SNAI2: variants seen among roughly 807,000 people sequenced by gnomAD.
SNAI2 encodes snail family transcriptional repressor 2.
Under a neutral mutation model 22.4 loss-of-function variants are expected in SNAI2, and 2 were observed. The observed-to-expected ratio is 0.09, with a 90% CI of 0.04 to 0.28. SNAI2 has a LOEUF of 0.28. SNAI2 is among the 10% of genes least tolerant of loss of function. The pLI, the probability that SNAI2 is intolerant of heterozygous loss-of-function variation, is 1.00. For missense variants in SNAI2, 239 were observed against 320.8 expected, an observed-to-expected ratio of 0.75 and a Z score of 1.95; for synonymous variants, 134 against 123.0, an observed-to-expected ratio of 1.09 and a Z score of -0.59.
chr8:48,921,395 G>A lies in SNAI2; in HGVS notation c.-130C>T. The A allele has an allele frequency of 1.3e-6, 1 of 750,674 alleles. No individual in the cohort carries two copies. The highest frequency in any genetic ancestry group is 2.3e-6 in the Non-Finnish European group (1 of 425,638). The allele number at this position is 750,674 out of a possible 1,614,324, so 46.5% of individuals were successfully genotyped here. On this transcript the variant is annotated 5_prime_UTR_variant, in exon 1 of 3. Transcript: ENST00000020945. ...CTCAGGTGCGGCAGACGGACGGGCCGGCGCCTCTGAAGTCACCCGGCTCCT... is the reference window on the plus strand; with the variant it reads ...CTCAGGTGCGGCAGACGGACGGGCCAGCGCCTCTGAAGTCACCCGGCTCCT...
chr8:48,920,426 T>C lies in SNAI2; in HGVS notation c.95A>G (p.Tyr32Cys). 1.2e-6 allele frequency: 2 copies of C among 1,613,940 alleles called. No homozygotes were observed. Among genetic ancestry groups the C allele is most frequent in the Non-Finnish European group, 1.7e-6 (2 of 1,179,924 alleles). ...AGGCATGGAGTAACTCTCATAGAGA[T>C]ACGGGGAAATAATCACTGGGAAAGA... ...LDTHTVIISPYLYESYSMPVI... is the reference protein window; with the variant it reads ...LDTHTVIISPCLYESYSMPVI... Residue 32 changes from tyrosine to cysteine, a missense_variant, in exon 2 of 3, where the codon TAT (tyrosine) becomes TGT (cysteine). This residue lies in a region of SNAI2 where 183 missense variants were observed against 190.4 expected (regional missense o/e 0.96). Transcript: ENST00000020945.
Position 48,921,365 on chromosome 8 carries a change from C to T in SNAI2, c.-100G>A. On this transcript the variant is annotated 5_prime_UTR_variant, in exon 1 of 3. Coordinates refer to ENST00000020945, the MANE Select transcript of SNAI2 (RefSeq NM_003068.5). Reference sequence around the variant, plus strand: ...GCGGCGGGCCAGGCTCGGGCAGGGGCCGTGCTCAGGTGCGGCAGACGGACG... The same window carrying T: ...GCGGCGGGCCAGGCTCGGGCAGGGGTCGTGCTCAGGTGCGGCAGACGGACG... 8 of 935,714 alleles carry T rather than the reference C, an allele frequency of 8.5e-6. No individual in the cohort carries two copies. The highest frequency in any genetic ancestry group is 1.4e-5 in the Non-Finnish European group (8 of 576,902). The allele number at this position is 935,714 out of a possible 1,614,324, so 58.0% of individuals were successfully genotyped here.
rs1043080645 is a variant in SNAI2 at position 48,920,875 on chromosome 8, A to G, written c.79+312T>C. On this transcript the variant is annotated intron_variant, in intron 1 of 2. Transcript: ENST00000020945. ...TTCTAAAGGAAAGGAGACTTAGTGC[A>G]TGAAAAACGCAGTAATTCAATCCTT... Among the ~76,000 whole-genome samples the G allele has an allele frequency of 2.6e-4, 39 of 152,372 alleles. No homozygotes were observed. In the Middle Eastern group the frequency reaches 0.01, roughly 40 times the overall value.
Position 48,917,893 on chromosome 8 carries a change from G to C in SNAI2, c.*914C>G, listed in dbSNP as rs1052883909. On this transcript the variant is annotated 3_prime_UTR_variant, in exon 3 of 3. Coordinates refer to ENST00000020945, the MANE Select transcript of SNAI2 (RefSeq NM_003068.5). Reference sequence around the variant, plus strand: ...ATAGACAACATCTCAGTTTCATACAGAACTCATTCAATCATATAAAAATAA... The same window carrying C: ...ATAGACAACATCTCAGTTTCATACACAACTCATTCAATCATATAAAAATAA... 1 of 152,096 alleles carries C rather than the reference G, an allele frequency of 6.6e-6. No individual in the cohort carries two copies. The highest frequency in any genetic ancestry group is 1.5e-5 in the Non-Finnish European group (1 of 68,016). The allele number at this position is 152,096 out of a possible 1,614,324, so 9.4% of individuals were successfully genotyped here. A position where few individuals can be genotyped will look rare whatever the true frequency, so the allele number is the denominator to read the frequency against.
In SNAI2 at chr8:48,920,564, A is replaced by G. The variant is rs1344411742; in HGVS notation, c.80-123T>C. ...CACACGTGATTTTCTTAGGAAGAAGATAGACCCATTTAGGAGGGCATACAC... is the reference window on the plus strand; with the variant it reads ...CACACGTGATTTTCTTAGGAAGAAGGTAGACCCATTTAGGAGGGCATACAC... On this transcript the variant is annotated intron_variant, in intron 1 of 2. Coordinates refer to ENST00000020945, the MANE Select transcript of SNAI2 (RefSeq NM_003068.5). 3 of 912,414 alleles carry G rather than the reference A, an allele frequency of 3.3e-6. No homozygotes were observed. In the Admixed American group the frequency reaches 5.7e-5, roughly 17 times the overall value. 56.5% of individuals were successfully genotyped at this position (912,414 alleles called of 1,614,324 possible). A position where few individuals can be genotyped will look rare whatever the true frequency, so the allele number is the denominator to read the frequency against.
At chr8:48,920,654 G>C (rs1806149404) in intron 1 of SNAI2, among the ~76,000 whole-genome samples, 1 of 152,156 alleles carries the variant, frequency 6.6e-6, no homozygotes, top group Non-Finnish European at 1.5e-5. Flanking sequence ...GCACACATAG[G>C]CTGACAGCTG....
intron 1 of SNAI2, 77 bp from the exon 2 acceptor site, chr8:48,920,518 C>A: frequency 7.8e-7 from 1 of 1,285,042 alleles, no homozygotes. Context: ...TATACACACA[C>A]TGGAAAGATA....
intron 1 of SNAI2, among the ~76,000 whole-genome samples, chr8:48,920,775 G>C (rs1806151354): frequency 6.6e-6 from 1 of 152,160 alleles, no homozygotes; most frequent in Admixed American, 6.5e-5. Context: ...CAGAAAAGTT[G>C]TTTTCCATGT....
Position 48,918,857 on chromosome 8 carries a change from T to G in SNAI2, c.757A>C (p.Met253Leu), listed in dbSNP as rs1361071168. Residue 253 changes from methionine to leucine, a missense_variant, in exon 3 of 3, where the codon ATG becomes CTG. Met to Leu is a conservative substitution (Grantham distance 15, BLOSUM62 2). Coordinates refer to ENST00000020945, the MANE Select transcript of SNAI2 (RefSeq NM_003068.5). ...TCCTCATGTTTGTGCAGGAGAGACATTCTGGAGAAGGTTTTGGAGCAGTTT... is the reference window on the plus strand; with the variant it reads ...TCCTCATGTTTGTGCAGGAGAGACAGTCTGGAGAAGGTTTTGGAGCAGTTT... ...CKNCSKTFSR[M>L]SLLHKHEESG... is the part of the protein sequence containing the mutation. 4 of 1,614,198 alleles carry G rather than the reference T, an allele frequency of 2.5e-6. No homozygotes were observed.
rs1460024074 is a variant in SNAI2 at position 48,917,689 on chromosome 8, TAACA to T, written c.*1114_*1117del. ...TAAGCATTATTCATTTTTTTCTTGT[TAACA>T]AACAATTCTTTGTACAGTGGTTTGG... On this transcript the variant is annotated 3_prime_UTR_variant, in exon 3 of 3. Coordinates refer to ENST00000020945, the MANE Select transcript of SNAI2 (RefSeq NM_003068.5). 6.6e-6 allele frequency: 1 copy of T among 152,300 alleles called. No homozygotes were observed. Among genetic ancestry groups the T allele is most frequent in the African/African-American group, 2.4e-5 (1 of 41,574 alleles). 9.4% of individuals were successfully genotyped at this position (152,300 alleles called of 1,614,324 possible).
rs147930178 is a variant in SNAI2 at position 48,918,658 on chromosome 8, G to GGTGTGT, written c.*143_*148dup. The GGTGTGT allele has an allele frequency of 2.9e-5, 19 of 644,602 alleles. No individual in the cohort carries two copies. Among genetic ancestry groups the GGTGTGT allele is most frequent in the Admixed American group, 4.6e-5 (2 of 43,860 alleles). The allele number at this position is 644,602 out of a possible 1,614,324, so 39.9% of individuals were successfully genotyped here. A position where few individuals can be genotyped will look rare whatever the true frequency, so the allele number is the denominator to read the frequency against. On this transcript the variant is annotated 3_prime_UTR_variant, in exon 3 of 3. Transcript: ENST00000020945. ...ATGCTCTTGCAGCTCTCTCTCTGTG[G>GGTGTGT]GTGTGTGTGTGTGTGTGTGCATATG...
rs1806100576 is a variant in SNAI2, at chr8:48,917,800, C to G, written c.*1007G>C. On this transcript the variant is annotated 3_prime_UTR_variant, in exon 3 of 3. Coordinates refer to ENST00000020945, the MANE Select transcript of SNAI2 (RefSeq NM_003068.5). Reference sequence around the variant, plus strand: ...TCAAAACTGTTTATTGTAAAAAAAACTTGAAAATTGTTTTTTAAAAAAGAA... The same window carrying G: ...TCAAAACTGTTTATTGTAAAAAAAAGTTGAAAATTGTTTTTTAAAAAAGAA... The G allele has an allele frequency of 6.6e-6, 1 of 151,942 alleles. No individual in the cohort carries two copies. The highest frequency in any genetic ancestry group is 6.6e-5 in the Admixed American group (1 of 15,266). The allele number at this position is 151,942 out of a possible 1,614,324, so 9.4% of individuals were successfully genotyped here. A position where few individuals can be genotyped will look rare whatever the true frequency, so the allele number is the denominator to read the frequency against.
intron 1 of SNAI2, among the ~76,000 whole-genome samples, chr8:48,920,777 T>G (rs1806151428): frequency 6.6e-6 from 1 of 152,150 alleles, no homozygotes; most frequent in Non-Finnish European, 1.5e-5. Flanking sequence ...GAAAAGTTGT[T>G]TTCCATGTTA....
chr8:48,918,810 G>A lies in SNAI2; in HGVS notation c.804C>T (p.His268=), dbSNP rs1219941237. 1.2e-6 allele frequency: 2 copies of A among 1,614,074 alleles called. No individual in the cohort carries two copies. Among genetic ancestry groups the A allele is most frequent in the Admixed American group, 1.7e-5 (1 of 60,010 alleles). ...GAGTAAACATTGATTGCGTCACTCA[G>A]TGTGCTACACAGCAGCCAGATTCCT... is the stretch of plus-strand genomic sequence containing the variant. The part of the protein sequence containing the change: ...KHEESGCCVA[H] Residue 268 remains histidine, a synonymous_variant, in exon 3 of 3, where the codon CAC becomes CAT. Transcript: ENST00000020945.
At chr8:48,920,472 A>G in intron 1 of SNAI2, 31 bp from the exon 2 acceptor site, 1 of 1,581,434 alleles carries the variant, frequency 6.3e-7, no homozygotes, top group Non-Finnish European at 8.7e-7. Context: ...AGAGAAGATT[A>G]AGGCAAAAAT....
At chr8:48,919,779 T>C (rs928655121) in intron 2 of SNAI2, 117 bp downstream of exon 2, 25 of 1,098,306 alleles carry the variant, frequency 2.3e-5, no homozygotes, top group Non-Finnish European at 3.5e-5. Context: ...AGGAAGTAGC[T>C]ATCAATGACT....
In SNAI2 at chr8:48,918,819, ACAG is replaced by A. The variant is rs1337404738; in HGVS notation, c.792_794del (p.Cys265del). 1 of 1,614,066 alleles carries A rather than the reference ACAG, an allele frequency of 6.2e-7. No individual in the cohort carries two copies. The highest frequency in any genetic ancestry group is 2.2e-5 in the East Asian group (1 of 44,892). ...TTGATTGCGTCACTCAGTGTGCTAC[ACAG>A]CAGCCAGATTCCTCATGTTTGTGCA... On this transcript the variant is annotated inframe_deletion, in exon 3 of 3. Transcript: ENST00000020945.
rs1414167926 is a variant in SNAI2, at chr8:48,918,851, G to C, written c.763C>G (p.Leu255Val). Reference sequence around the variant, plus strand: ...CCAGATTCCTCATGTTTGTGCAGGAGAGACATTCTGGAGAAGGTTTTGGAG... The same window carrying C: ...CCAGATTCCTCATGTTTGTGCAGGACAGACATTCTGGAGAAGGTTTTGGAG... The part of the protein sequence containing the change: ...NCSKTFSRMS[L>V]LHKHEESGCC... The change falls in exon 3 of 3, where the codon CTC (leucine) becomes GTC (valine). Residue 255 changes from leucine to valine, a missense_variant. Leu to Val is a conservative substitution (Grantham distance 32). Coordinates refer to ENST00000020945, the MANE Select transcript of SNAI2 (RefSeq NM_003068.5). 2.5e-6 allele frequency: 4 copies of C among 1,614,166 alleles called. No homozygotes were observed. Among genetic ancestry groups the C allele is most frequent in the Non-Finnish European group, 3.4e-6 (4 of 1,180,026 alleles).
chr8:48,919,844 A>T (rs1450980166), intron 2 of SNAI2, 52 bp downstream of exon 2: 1 of 1,570,008 alleles, frequency 6.4e-7, no homozygotes. Context: ...CAGCCAGCCC[A>T]GGGCTTCATT....
Sources: gnomAD v4.1 joint callset for allele counts (sites outside exome capture counted in the v4.1 genomes callset) on GRCh38, gnomAD v4.1.1 for gene constraint, gnomAD v4.1.1 regional missense constraint, MANE v1.5 for transcripts, NCBI Gene and HGNC (gene_info 2026-07-23, HGNC 2026-07-21) for gene names.